Variants in MORC2 observed in about 807,000 individuals in gnomAD.
MORC2 encodes the protein ATPase MORC2.
A neutral mutation model predicts 136.0 loss-of-function variants in MORC2; 30 were observed. That is an observed-to-expected ratio of 0.22 (90% CI 0.17 to 0.30). The LOEUF is 0.30. Ranked by LOEUF, MORC2 falls within the 10% of genes least tolerant of loss-of-function variation. MORC2 has a pLI of 1.00. For synonymous variants in MORC2, 439 were observed against 487.0 expected, an observed-to-expected ratio of 0.90 and a Z score of 1.30; for missense variants, 922 against 1,333.1, an observed-to-expected ratio of 0.69 and a Z score of 4.80.
rs769351461 is a variant in MORC2 at position 30,936,907 on chromosome 22, TC to T, written c.1604+24del. ...GGGCAGGGGAGAAAAGTACCCACAA[TC>T]CCCTTGTTAGACAATGTGCTCACCG... On this transcript the variant is annotated intron_variant, in intron 16 of 25. Transcript: ENST00000397641. 10 of 1,594,372 alleles carry T rather than the reference TC, an allele frequency of 6.3e-6. No individual in the cohort carries two copies. In the Admixed American group the frequency reaches 1.3e-4, roughly 21 times the overall value.
In MORC2 at chr22:30,932,179, T is replaced by C; in HGVS notation, c.2841+180A>G. ...GTCATATCCAGCTAAGCCAATTTTT[T>C]TCCCACATCATAAACTCTCCTCTTC... On this transcript the variant is annotated intron_variant, in intron 24 of 25. Coordinates refer to ENST00000397641, the MANE Select transcript of MORC2 (RefSeq NM_001303256.3). The surrounding 1 kb of genome is among the most constrained non-coding windows in gnomAD (Gnocchi z 4.4). 1 of 627,482 alleles carries C rather than the reference T, an allele frequency of 1.6e-6. No individual in the cohort carries two copies. The highest frequency in any genetic ancestry group is 2.7e-6 in the Non-Finnish European group (1 of 369,596). 38.9% of individuals were successfully genotyped at this position (627,482 alleles called of 1,614,324 possible). A position where few individuals can be genotyped will look rare whatever the true frequency, so the allele number is the denominator to read the frequency against.
Position 30,925,946 on chromosome 22 carries a change from T to A in MORC2, c.*857A>T, listed in dbSNP as rs369158431. Reference sequence around the variant, plus strand: ...AGCATCAACAGGCTGTCCAGATCAATTGGCACCATCCAAGGCCCTGCTGCA... The same window carrying A: ...AGCATCAACAGGCTGTCCAGATCAAATGGCACCATCCAAGGCCCTGCTGCA... On this transcript the variant is annotated 3_prime_UTR_variant, in exon 26 of 26. Transcript: ENST00000397641. The A allele has an allele frequency of 6.5e-6, 1 of 152,842 alleles. No homozygotes were observed. The highest frequency in any genetic ancestry group is 1.5e-5 in the Non-Finnish European group (1 of 68,186). 9.5% of individuals were successfully genotyped at this position (152,842 alleles called of 1,614,324 possible).
chr22:30,936,149 A>G (rs889462739), intron 17 of MORC2, among the ~76,000 whole-genome samples: 34 of 152,182 alleles, frequency 2.2e-4, no homozygotes, highest in African/African-American at 8.2e-4. Context: ...TAAAAAATAT[A>G]TGTGTGTTAT....
intron 6 of MORC2, among the ~76,000 whole-genome samples, chr22:30,944,811 T>C (rs747644113): frequency 1.3e-5 from 2 of 152,182 alleles, no homozygotes; most frequent in South Asian, 4.1e-4. Flanking sequence ...GGAAACTCCA[T>C]GTATTTCTCT....
Position 30,932,872 on chromosome 22 carries a change from C to T in MORC2, c.2522+17G>A, listed in dbSNP as rs199686987. ...CTCCTTCGAGGAACCACTGCTCCTC[C>T]CTGATTGGGGCATTACCAGCGGTCT... is the stretch of plus-strand genomic sequence containing the variant. On this transcript the variant is annotated intron_variant, in intron 22 of 25. Transcript: ENST00000397641. This position sits in a 1 kb window ranked among gnomAD's most constrained non-coding sequence, Gnocchi z 4.4. The T allele has an allele frequency of 2.5e-5, 41 of 1,614,128 alleles. No individual in the cohort carries two copies. The African/African-American group carries it at 4.1e-4, about 16-fold the overall frequency.
rs767604848 is a variant in MORC2 at position 30,935,267 on chromosome 22, G to A, written c.1793C>T (p.Thr598Ile). ...CTTCACCTCAGTGGAAGGTCTGGTG[G>A]TCACTTCCAAGGGCAATTTCTTCAG... is the stretch of plus-strand genomic sequence containing the variant. ...ADLKKLPLEV[T>I]TRPSTEEPVR... The change falls in exon 18 of 26, where the codon ACC becomes ATC. Residue 598 changes from threonine (T) to isoleucine (I), a missense_variant. Transcript: ENST00000397641. 7 of 1,613,678 alleles carry A rather than the reference G, an allele frequency of 4.3e-6. No individual in the cohort carries two copies. The highest frequency in any genetic ancestry group is 3.3e-5 in the South Asian group (3 of 90,954).
intron 6 of MORC2, among the ~76,000 whole-genome samples, chr22:30,943,438 T>A (rs1286393551): frequency 2.0e-5 from 3 of 152,210 alleles, no homozygotes; most frequent in Non-Finnish European, 4.4e-5. Context: ...TTCAATACAC[T>A]CTTCCATTTA....
chr22:30,937,821 C>T lies in MORC2; in HGVS notation c.1363G>A (p.Ala455Thr). The T allele has an allele frequency of 6.2e-7, 1 of 1,614,150 alleles. No homozygotes were observed. Among genetic ancestry groups the T allele is most frequent in the Non-Finnish European group, 8.5e-7 (1 of 1,180,022 alleles). The part of the protein sequence containing the change: ...EHLAQYWKDI[A>T]IAQRGIIKFW... ...AGCAGCCCAGCCCCATTACCGATGGCAATATCCTTCCAATACTGCGCCAGG... is the reference window on the plus strand; with the variant it reads ...AGCAGCCCAGCCCCATTACCGATGGTAATATCCTTCCAATACTGCGCCAGG... Residue 455 changes from alanine (A) to threonine (T), a missense_variant, in exon 14 of 26, where the codon GCC (alanine) becomes ACC (threonine). Ala to Thr is a moderately conservative substitution (Grantham distance 58, BLOSUM62 0). This residue lies in a region of MORC2 where 119 missense variants were observed against 202.7 expected (regional missense o/e 0.59). Transcript: ENST00000397641. This position sits in a 1 kb window ranked among gnomAD's most constrained non-coding sequence, Gnocchi z 4.7.
At chr22:30,931,171 C>T (rs201020652) in intron 24 of MORC2, among the ~76,000 whole-genome samples, 1 of 152,200 alleles carries the variant, frequency 6.6e-6, no homozygotes, top group South Asian at 2.1e-4. Flanking sequence ...CCCATTCTAC[C>T]CAAACACGCT....
At chr22:30,966,234 CTG>C (rs747349211) in intron 1 of MORC2, among the ~76,000 whole-genome samples, 13 of 152,180 alleles carry the variant, frequency 8.5e-5, no homozygotes, top group Non-Finnish European at 1.8e-4. Context: ...ATCATAAAAT[CTG>C]TAATTCCAGA....
chr22:30,932,853 C>T lies in MORC2; in HGVS notation c.2522+36G>A, dbSNP rs781161903. The T allele has an allele frequency of 6.8e-6, 11 of 1,613,744 alleles. No homozygotes were observed. Among genetic ancestry groups the T allele is most frequent in the African/African-American group, 2.7e-5 (2 of 74,912 alleles). On this transcript the variant is annotated intron_variant, in intron 22 of 25. Transcript: ENST00000397641. This position sits in a 1 kb window ranked among gnomAD's most constrained non-coding sequence, Gnocchi z 4.4. Reference sequence around the variant, plus strand: ...GCAGGGAGGCCGGGGATACCTCCTTCGAGGAACCACTGCTCCTCCCTGATT... The same window carrying T: ...GCAGGGAGGCCGGGGATACCTCCTTTGAGGAACCACTGCTCCTCCCTGATT...
Position 30,958,164 on chromosome 22 carries a change from C to A in MORC2, c.122+477G>T, listed in dbSNP as rs186375533. Among the ~76,000 whole-genome samples the A allele has an allele frequency of 6.6e-5, 10 of 152,332 alleles. No individual in the cohort carries two copies. The East Asian group carries it at 1.7e-3, about 26-fold the overall frequency. On this transcript the variant is annotated intron_variant, in intron 2 of 25. Transcript: ENST00000397641. ...GCTGACCAATGATTCCTTCCAAGCACAGCTGCTAACAATGAAAGACACTGT... is the reference window on the plus strand; with the variant it reads ...GCTGACCAATGATTCCTTCCAAGCAAAGCTGCTAACAATGAAAGACACTGT...
At position 30,933,485 on chromosome 22, in the gene MORC2, G is replaced by A. The variant is rs766384151; in HGVS notation, c.2361C>T (p.Asp787=). The change falls in exon 21 of 26, where the codon GAC becomes GAT. Residue 787 remains aspartate, a synonymous_variant. Transcript: ENST00000397641. ...GCTCACCTTTCTGAGCTCTCTTGAG[G>A]TCAGCCGAGTCCTCTTCCCCAGCAC... is the stretch of plus-strand genomic sequence containing the variant. ...SDSAGEEDSA[D]LKRAQKDKGL... is the part of the protein sequence containing the mutation. 9.9e-6 allele frequency: 16 copies of A among 1,613,750 alleles called. No homozygotes were observed. The highest frequency in any genetic ancestry group is 5.9e-6 in the Non-Finnish European group (7 of 1,179,978).
At chr22:30,954,217 C>G (rs1177566995) in intron 3 of MORC2, among the ~76,000 whole-genome samples, 2 of 151,998 alleles carry the variant, frequency 1.3e-5, no homozygotes, top group Non-Finnish European at 2.9e-5. Context: ...ATCACTTGAG[C>G]CCGAGAGGTG....
At chr22:30,962,613 TA>T (rs1223291696) in intron 1 of MORC2, among the ~76,000 whole-genome samples, 2 of 146,842 alleles carry the variant, frequency 1.4e-5, no homozygotes, top group East Asian at 4.0e-4. Context: ...AAAAAAAAAC[TA>T]ATGGTCTTTG....
At chr22:30,952,212 G>C (rs570292795) in intron 3 of MORC2, among the ~76,000 whole-genome samples, 39 of 152,262 alleles carry the variant, frequency 2.6e-4, no homozygotes, top group Non-Finnish European at 1.0e-4. Flanking sequence ...ACTCAAACTG[G>C]GTCAGGTACA....
chr22:30,967,428 T>G (rs1461471676), intron 1 of MORC2: 1 of 989,814 alleles, frequency 1.0e-6, no homozygotes, highest in African/African-American at 1.7e-5. Flanking sequence ...AGTAAACACT[T>G]GTTATAAACC....
Position 30,935,008 on chromosome 22 carries a change from A to G in MORC2, c.1966T>C (p.Leu656=). 1 of 1,614,032 alleles carries G rather than the reference A, an allele frequency of 6.2e-7. No homozygotes were observed. The highest frequency in any genetic ancestry group is 8.5e-7 in the Non-Finnish European group (1 of 1,180,018). ...VISSTPKLPA[L]AAREEASTSR... ...GTGCTGGCCTCCTCCCGGGCTGCCAAAGCAGGGAGCTTTGGGGTACTGCTG... is the reference window on the plus strand; with the variant it reads ...GTGCTGGCCTCCTCCCGGGCTGCCAGAGCAGGGAGCTTTGGGGTACTGCTG... The change falls in exon 19 of 26, where the codon TTG becomes CTG. Residue 656 remains leucine (L), a synonymous_variant. Transcript: ENST00000397641.
chr22:30,950,776 G>A (rs1255297789), intron 3 of MORC2, among the ~76,000 whole-genome samples: 2 of 152,092 alleles, frequency 1.3e-5, no homozygotes, highest in East Asian at 1.9e-4. Flanking sequence ...ACTCCACCTG[G>A]ATTACTATCA....
Sources: gnomAD v4.1 joint callset for allele counts (sites outside exome capture counted in the v4.1 genomes callset) on GRCh38, gnomAD v4.1.1 for gene constraint, gnomAD v4.1.1 regional missense constraint, Gnocchi (gnomAD v3.1) non-coding constraint, MANE v1.5 for transcripts, NCBI Gene and HGNC (gene_info 2026-07-23, HGNC 2026-07-21) for gene names.